CLCA4: variants seen among roughly 807,000 people sequenced by gnomAD.
CLCA4 encodes the protein chloride channel accessory 4.
A neutral mutation model predicts 78.9 loss-of-function variants in CLCA4; 69 were observed. The observed-to-expected ratio is 0.87, with a 90% CI of 0.72 to 1.07. The LOEUF (loss-of-function observed/expected upper bound fraction) is 1.07, where lower values mean the gene tolerates loss of function less well. Among genes scored for constraint, CLCA4 ranks in the 50% least tolerant of loss-of-function variants. CLCA4 has a pLI of 0.00. For missense variants in CLCA4, 1,133 were observed against 1,095.8 expected, an observed-to-expected ratio of 1.03 and a Z score of -0.48; for synonymous variants, 362 against 375.8, an observed-to-expected ratio of 0.96 and a Z score of 0.42.
At chr1:86,577,829 G>A (rs1650563758) in intron 11 of CLCA4, 73 bp from the exon 12 acceptor site, 1 of 1,210,206 alleles carries the variant, frequency 8.3e-7, no homozygotes, top group Non-Finnish European at 1.2e-6. Context: ...TATGCTTGTA[G>A]AGGCCAATTG....
intron 1 of CLCA4, among the ~76,000 whole-genome samples, chr1:86,547,652 C>G (rs889669300): frequency 1.3e-5 from 2 of 152,140 alleles, no homozygotes; most frequent in African/African-American, 4.8e-5. Context: ...TAATAAGTAT[C>G]ATTCTACTCT....
In CLCA4 at chr1:86,565,483, A is replaced by G. The variant is rs1407798492; in HGVS notation, c.735+32A>G. 4 of 1,468,094 alleles carry G rather than the reference A, an allele frequency of 2.7e-6. No individual in the cohort carries two copies. The East Asian group carries it at 9.1e-5, about 33-fold the overall frequency. The allele number at this position is 1,468,094 out of a possible 1,614,324, so 90.9% of individuals were successfully genotyped here. A position where few individuals can be genotyped will look rare whatever the true frequency, so the allele number is the denominator to read the frequency against. On this transcript the variant is annotated intron_variant, in intron 5 of 13. Coordinates refer to ENST00000370563, the MANE Select transcript of CLCA4 (RefSeq NM_012128.4). ...ATGCTGATAATTGCTTCCAGAATTT[A>G]TAATCAAATGACATATTGTCATGTT...
chr1:86,577,649 C>A (rs1183388734), intron 11 of CLCA4, among the ~76,000 whole-genome samples: 1 of 151,940 alleles, frequency 6.6e-6, no homozygotes, highest in Non-Finnish European at 1.5e-5. Context: ...AGTATTTAGG[C>A]ATTTATTATG....
rs188738737 is a variant in CLCA4, at chr1:86,580,419, A to C, written c.*74A>C. ...AAAAACAAAACAATGTAAGTAAAGG[A>C]TATTTCTGAATCTTAAAATTCATCC... On this transcript the variant is annotated 3_prime_UTR_variant, in exon 14 of 14. Transcript: ENST00000370563. 3 of 1,158,798 alleles carry C rather than the reference A, an allele frequency of 2.6e-6. No individual in the cohort carries two copies. The East Asian group carries it at 7.5e-5, about 29-fold the overall frequency. 71.8% of individuals were successfully genotyped at this position (1,158,798 alleles called of 1,614,324 possible). A position where few individuals can be genotyped will look rare whatever the true frequency, so the allele number is the denominator to read the frequency against.
chr1:86,574,592 T>C lies in CLCA4; in HGVS notation c.1520T>C (p.Val507Ala). The change falls in exon 10 of 14, where the codon GTC (valine) becomes GCC (alanine). Residue 507 changes from valine to alanine, a missense_variant. By Grantham distance (64) the Val-to-Ala change is moderately conservative (BLOSUM62 0). Transcript: ENST00000370563. ...LNSNAWMNDT[V>A]IIDSTVGKDT... ...AGTAATGCCTGGATGAACGACACTG[T>C]CATAATTGATAGTACAGTGGGAAAG... 2 of 1,613,354 alleles carry C rather than the reference T, an allele frequency of 1.2e-6. No homozygotes were observed. Among genetic ancestry groups the C allele is most frequent in the Non-Finnish European group, 8.5e-7 (1 of 1,179,538 alleles).
At position 86,580,278 on chromosome 1, in the gene CLCA4, C is replaced by A. The variant is rs1650676829; in HGVS notation, c.2693C>A (p.Ser898Tyr). The A allele has an allele frequency of 2.5e-6, 4 of 1,611,980 alleles. No individual in the cohort carries two copies. Among genetic ancestry groups the A allele is most frequent in the Non-Finnish European group, 3.4e-6 (4 of 1,179,060 alleles). Residue 898 changes from serine to tyrosine, a missense_variant, in exon 14 of 14, where the codon TCT becomes TAT. Coordinates refer to ENST00000370563, the MANE Select transcript of CLCA4 (RefSeq NM_012128.4). ...AGTCATAATTCTGGAGTTAATATTT[C>A]TACGCTGGTATTGTCTGTGATTGGG... ...DKSHNSGVNISTLVLSVIGSV... is the reference protein window; with the variant it reads ...DKSHNSGVNIYTLVLSVIGSV...
chr1:86,563,545 A>G (rs1253915568), intron 3 of CLCA4, 116 bp from the exon 4 acceptor site: 2 of 517,046 alleles, frequency 3.9e-6, no homozygotes, highest in Non-Finnish European at 6.9e-6. Context: ...AAATGTTGAT[A>G]GTTGTTGAAA....
At chr1:86,575,162 T>C (rs1276870132) in intron 10 of CLCA4, among the ~76,000 whole-genome samples, 170 bp from the exon 11 acceptor site, 5 of 152,086 alleles carry the variant, frequency 3.3e-5, no homozygotes, top group Non-Finnish European at 1.5e-5. Flanking sequence ...TGAATGGTAC[T>C]ACTTGGCATG....
At chr1:86,557,867 C>T (rs1395604419) in intron 1 of CLCA4, among the ~76,000 whole-genome samples, 1 of 151,882 alleles carries the variant, frequency 6.6e-6, no homozygotes, top group East Asian at 1.9e-4. Flanking sequence ...TTTGGGTGCT[C>T]CTTTGTTGGG....
chr1:86,551,613 A>G (rs895869758), intron 1 of CLCA4, among the ~76,000 whole-genome samples: 1 of 152,124 alleles, frequency 6.6e-6, no homozygotes, highest in African/African-American at 2.4e-5. Context: ...TCCAGCACCA[A>G]TCTAACAGAG....
At chr1:86,559,910 A>G (rs1366671732) in intron 1 of CLCA4, 22 bp from the exon 2 acceptor site, 4 of 1,571,730 alleles carry the variant, frequency 2.5e-6, no homozygotes, top group Non-Finnish European at 3.4e-6. Context: ...CCATCCTCAC[A>G]TATTTTTTCC....
At position 86,548,684 on chromosome 1, in the gene CLCA4, G is replaced by GA. The variant is rs10615856; in HGVS notation, c.159+1428dup. On this transcript the variant is annotated intron_variant, in intron 1 of 13. Transcript: ENST00000370563. ...GCAACAGAGCAAGACTCCCTCTCTG[G>GA]AAAAAAAAAAAAAAAAAAAAAAGAA... is the stretch of plus-strand genomic sequence containing the variant. 2.3e-3 allele frequency among the ~76,000 whole-genome samples: 213 copies of GA among 94,108 alleles called. 2 individuals are homozygous for GA. The highest frequency in any genetic ancestry group is 0.018 in the Middle Eastern group (3 of 164). 61.7% of individuals were successfully genotyped at this position (94,108 alleles called of 152,430 possible). A position where few individuals can be genotyped will look rare whatever the true frequency, so the allele number is the denominator to read the frequency against.
chr1:86,574,437 C>A, intron 9 of CLCA4, 103 bp from the exon 10 acceptor site: 1 of 834,684 alleles, frequency 1.2e-6, no homozygotes, highest in Non-Finnish European at 1.9e-6. Flanking sequence ...AGGTGGTCTG[C>A]CATTTATAAG....
rs747850816 is a variant in CLCA4 at position 86,572,679 on chromosome 1, C to T, written c.1426C>T (p.Leu476Phe). ...NNGLIDAFGA[L>F]TSGNTDLSQK... ...TGGCCTCATTGATGCTTTTGGGGCT[C>T]TTACATCAGGAAATACTGATCTCTC... Residue 476 changes from leucine to phenylalanine, a missense_variant, in exon 9 of 14, where the codon CTT becomes TTT. Leu to Phe is a conservative substitution (Grantham distance 22). Transcript: ENST00000370563. 3.1e-6 allele frequency: 5 copies of T among 1,608,404 alleles called. No homozygotes were observed. In the East Asian group the frequency reaches 8.9e-5, roughly 29 times the overall value.
chr1:86,579,285 G>A (rs1650629945), intron 12 of CLCA4, 69 bp from the exon 13 acceptor site: 1 of 1,129,698 alleles, frequency 8.9e-7, no homozygotes, highest in Admixed American at 1.8e-5. Flanking sequence ...AAGTGAAGAA[G>A]GTGATTCACT....
chr1:86,559,997 T>C lies in CLCA4; in HGVS notation c.225T>C (p.Asn75=). The part of the protein sequence containing the change: ...EATEKRFFFK[N]VSILIPENWK... ...CAGAAAAAAGATTTTTTTTCAAAAA[T>C]GTATCTATATTAATTCCTGAGAATT... Residue 75 remains asparagine (N), a synonymous_variant, in exon 2 of 14, where the codon AAT becomes AAC. Coordinates refer to ENST00000370563, the MANE Select transcript of CLCA4 (RefSeq NM_012128.4). The C allele has an allele frequency of 1.2e-6, 2 of 1,608,938 alleles. No individual in the cohort carries two copies. The highest frequency in any genetic ancestry group is 1.7e-4 in the Middle Eastern group (1 of 6,038).
rs201382001 is a variant in CLCA4 at position 86,575,572 on chromosome 1, G to A, written c.1924G>A (p.Val642Ile). The A allele has an allele frequency of 1.7e-3, 2,760 of 1,612,636 alleles. 17 individuals are homozygous for A. Among genetic ancestry groups the A allele is most frequent in the South Asian group, 0.011 (1,028 of 90,882 alleles). The change falls in exon 11 of 14, where the codon GTT (valine) becomes ATT (isoleucine). Residue 642 changes from valine (V) to isoleucine (I), a missense_variant. Transcript: ENST00000370563. ...FIESQNGHTEVLELLDNGAGA... is the reference protein window; with the variant it reads ...FIESQNGHTEILELLDNGAGA... ...TGAATCACAGAATGGACATACAGAA[G>A]TTTTGGAACTTTTGGATAATGGTGC...
At chr1:86,551,420 AG>A (rs1649659022) in intron 1 of CLCA4, among the ~76,000 whole-genome samples, 1 of 152,168 alleles carries the variant, frequency 6.6e-6, no homozygotes, top group Non-Finnish European at 1.5e-5. Context: ...CTAAGGGGTG[AG>A]GAAGTTAGAA....
At chr1:86,568,573 A>C (rs537124560) in intron 7 of CLCA4, among the ~76,000 whole-genome samples, 1 of 151,804 alleles carries the variant, frequency 6.6e-6, no homozygotes, top group African/African-American at 2.4e-5. Context: ...ATTACTAAAA[A>C]GTCTCCCCCG....
Sources: gnomAD v4.1 joint callset for allele counts (sites outside exome capture counted in the v4.1 genomes callset) on GRCh38, gnomAD v4.1.1 for gene constraint, MANE v1.5 for transcripts, NCBI Gene and HGNC (gene_info 2026-07-23, HGNC 2026-07-21) for gene names.